Variants in SRI observed in about 807,000 individuals in gnomAD.
SRI encodes the protein 22 kDa protein.
Under a neutral mutation model 33.3 loss-of-function variants are expected in SRI, and 30 were observed. That is an observed-to-expected ratio of 0.90 (90% CI 0.67 to 1.22). The LOEUF (loss-of-function observed/expected upper bound fraction) is 1.22. Ranked by LOEUF, SRI falls within the 50% of genes most tolerant of loss-of-function variation. SRI has a pLI of 0.00. For synonymous variants in SRI, 75 were observed against 89.9 expected (o/e 0.83, Z 0.94); for missense variants, 243 against 250.8 (o/e 0.97, Z 0.21).
At chr7:88,220,388 A>G (rs80128501), upstream of SRI, among the ~76,000 whole-genome samples, 22,373 of 147,930 alleles carry the variant, frequency 0.15, 1,895 homozygotes, top group Non-Finnish European at 0.2. Context: ...GGACTTGGCT[A>G]TTATCTGGCA....
upstream of SRI, among the ~76,000 whole-genome samples, chr7:88,223,343 G>A (rs1290426407): frequency 1.3e-5 from 2 of 152,148 alleles, no homozygotes; most frequent in Non-Finnish European, 2.9e-5. Flanking sequence ...ACAGTTTTGA[G>A]GAAGGGGAAG....
In SRI at chr7:88,206,214, A is replaced by T. The variant is rs1217934449; in HGVS notation, c.*264T>A. 1 of 516,706 alleles carries T rather than the reference A, an allele frequency of 1.9e-6. No homozygotes were observed. The highest frequency in any genetic ancestry group is 3.2e-5 in the East Asian group (1 of 31,476). 32.0% of individuals were successfully genotyped at this position (516,706 alleles called of 1,614,324 possible). A position where few individuals can be genotyped will look rare whatever the true frequency, so the allele number is the denominator to read the frequency against. On this transcript the variant is annotated 3_prime_UTR_variant, in exon 8 of 8. Transcript: ENST00000265729. ...ATTTTGCATACTTAAATTTACATAG[A>T]GTTTTAGCAAGAAAATAAGGCATGA...
intron 1 of SRI, chr7:88,226,853 T>C: frequency 6.4e-7 from 1 of 1,564,974 alleles, no homozygotes; most frequent in Admixed American, 1.7e-5. Context: ...TTAGTAGAAT[T>C]AGAACATTGG....
rs1256438488 is a variant in SRI at position 88,205,172 on chromosome 7, T to C, written c.*1306A>G. 1 of 152,238 alleles carries C rather than the reference T, an allele frequency of 6.6e-6. No individual in the cohort carries two copies. The highest frequency in any genetic ancestry group is 1.5e-5 in the Non-Finnish European group (1 of 68,034). 9.4% of individuals were successfully genotyped at this position (152,238 alleles called of 1,614,324 possible). A position where few individuals can be genotyped will look rare whatever the true frequency, so the allele number is the denominator to read the frequency against. On this transcript the variant is annotated 3_prime_UTR_variant, in exon 8 of 8. Transcript: ENST00000265729. ...GACAACTAGTTGTTCAGTTGAATGG[T>C]AAGTTTCACACTGCATCCTAAAATA...
chr7:88,226,368 C>G (rs1851995842), intron 1 of SRI, among the ~76,000 whole-genome samples: 1 of 152,154 alleles, frequency 6.6e-6, no homozygotes, highest in Non-Finnish European at 1.5e-5. Context: ...CCATTCGCAT[C>G]TCAGTCCCTT....
In SRI at chr7:88,209,590, G is replaced by C. The variant is rs1199234956; in HGVS notation, c.398-138C>G. ...AACACACACAATTTCTAAGAAAACA[G>C]AAACTGCCTTCAGGTAGCAATTATT... On this transcript the variant is annotated intron_variant, in intron 5 of 7. Coordinates refer to ENST00000265729, the MANE Select transcript of SRI (RefSeq NM_003130.4). 5.8e-6 allele frequency: 4 copies of C among 691,162 alleles called. No homozygotes were observed. The East Asian group carries it at 1.1e-4, about 19-fold the overall frequency. 42.8% of individuals were successfully genotyped at this position (691,162 alleles called of 1,614,324 possible).
At chr7:88,221,343 T>C (rs919065906), upstream of SRI, among the ~76,000 whole-genome samples, 3 of 152,212 alleles carry the variant, frequency 2.0e-5, no homozygotes, top group Non-Finnish European at 4.4e-5. Context: ...TGTTGTGGCA[T>C]AGCAAAGACA....
intron 3 of SRI, chr7:88,216,843 T>G: frequency 2.1e-6 from 1 of 473,124 alleles, no homozygotes; most frequent in Non-Finnish European, 3.8e-6. Flanking sequence ...GGTACAATCA[T>G]AGATTACTGC....
At chr7:88,215,888 T>C (rs1851698359) in intron 3 of SRI, among the ~76,000 whole-genome samples, 1 of 152,236 alleles carries the variant, frequency 6.6e-6, no homozygotes, top group Non-Finnish European at 1.5e-5. Context: ...ACTAAGACAT[T>C]ATTCTCTACC....
intron 5 of SRI, 130 bp from the exon 6 acceptor site, chr7:88,209,582 AG>A: frequency 1.4e-6 from 1 of 707,162 alleles, no homozygotes; most frequent in Middle Eastern, 3.6e-4. Context: ...ACAATTTCTA[AG>A]AAAACAGAAA....
rs148662224 is a variant in SRI at position 88,208,393 on chromosome 7, CT to C, written c.570+113del. The C allele has an allele frequency of 9.3e-3, 13,808 of 1,490,820 alleles. 132 individuals are homozygous for C. The highest frequency in any genetic ancestry group is 0.044 in the Admixed American group (1,919 of 43,164). The allele number at this position is 1,490,820 out of a possible 1,614,324, so 92.3% of individuals were successfully genotyped here. ...ATAACTCTTTCTAACTTTTGAATCCCTTATGTCTCTGGCATCCTTAACCTTA... is the reference window on the plus strand; with the variant it reads ...ATAACTCTTTCTAACTTTTGAATCCCTATGTCTCTGGCATCCTTAACCTTA... On this transcript the variant is annotated intron_variant, in intron 7 of 7. Transcript: ENST00000265729.
chr7:88,217,112 G>A lies in SRI; in HGVS notation c.205+10C>T, dbSNP rs1851744194. On this transcript the variant is annotated intron_variant, in intron 3 of 7. Transcript: ENST00000265729. ...GTATATTTAGACAAACTTTGGGACT[G>A]TCAACTTACGTTTGTATCCTCCAGC... The A allele has an allele frequency of 2.5e-6, 4 of 1,612,966 alleles. No homozygotes were observed. The highest frequency in any genetic ancestry group is 3.4e-6 in the Non-Finnish European group (4 of 1,179,322).
chr7:88,217,833 C>T (rs1851770861), intron 2 of SRI, among the ~76,000 whole-genome samples: 1 of 152,182 alleles, frequency 6.6e-6, no homozygotes, highest in South Asian at 2.1e-4. Context: ...GAGTCACTTA[C>T]ATGCTGGAGG....
At chr7:88,219,795 T>A (rs1291441257) in intron 1 of SRI, among the ~76,000 whole-genome samples, 181 bp downstream of exon 1, 1 of 151,934 alleles carries the variant, frequency 6.6e-6, no homozygotes, top group Non-Finnish European at 1.5e-5. Flanking sequence ...CGGGGAAACG[T>A]GGGGAGAGGC....
At chr7:88,214,642 AATT>A (rs1306733288) in intron 3 of SRI, among the ~76,000 whole-genome samples, 6 of 150,964 alleles carry the variant, frequency 4.0e-5, no homozygotes, top group Non-Finnish European at 7.4e-5. Context: ...AATTAATTAA[AATT>A]ATAAGTATTA....
At chr7:88,216,833 G>A in intron 3 of SRI, 1 of 440,236 alleles carries the variant, frequency 2.3e-6, no homozygotes, top group East Asian at 4.6e-5. Context: ...GGAGTGCAGT[G>A]GTACAATCAT....
chr7:88,217,663 A>T (rs775988301), intron 2 of SRI, among the ~76,000 whole-genome samples: 3 of 152,202 alleles, frequency 2.0e-5, no homozygotes, highest in Admixed American at 1.3e-4. Context: ...CTGAACTGGG[A>T]AAGAACTAGA....
At chr7:88,218,407 A>G (rs1360738339) in intron 2 of SRI, among the ~76,000 whole-genome samples, 1 of 152,258 alleles carries the variant, frequency 6.6e-6, no homozygotes, top group Non-Finnish European at 1.5e-5. Context: ...ACTTTCTGAT[A>G]CTAAGAAGGG....
chr7:88,210,867 C>T lies in SRI; in HGVS notation c.249+15G>A. The T allele has an allele frequency of 6.2e-7, 1 of 1,611,294 alleles. No individual in the cohort carries two copies. The highest frequency in any genetic ancestry group is 8.5e-7 in the Non-Finnish European group (1 of 1,178,536). On this transcript the variant is annotated intron_variant, in intron 4 of 7. Coordinates refer to ENST00000265729, the MANE Select transcript of SRI (RefSeq NM_003130.4). ...AGAAAAAATTATTCTAGACAACAAT[C>T]AAAGTAAAGGATACATCCAGCATTG...
Sources: allele counts gnomAD v4.1 joint callset (sites outside exome capture counted in the v4.1 genomes callset), GRCh38; gene constraint gnomAD v4.1.1; transcripts MANE v1.5; gene names NCBI Gene and HGNC (gene_info 2026-07-23, HGNC 2026-07-21).